The following GPM6B variants were observed in gnomAD, a reference collection of about 807,000 sequenced individuals.
GPM6B encodes the protein glycoprotein M6B.
A neutral mutation model predicts 27.2 loss-of-function variants in GPM6B; 4 were observed. That is an observed-to-expected ratio of 0.15 (90% CI 0.07 to 0.34). The LOEUF (loss-of-function observed/expected upper bound fraction) is 0.34. Among genes scored for constraint, GPM6B ranks in the 10% least tolerant of loss-of-function variants. GPM6B has a pLI of 1.00. For missense variants in GPM6B, 183 were observed against 261.9 expected (o/e 0.70, Z 2.08); for synonymous variants, 124 against 103.1 (o/e 1.20, Z -1.23).
intron 1 of GPM6B, among the ~76,000 whole-genome samples, chrX:13,876,988 A>G (rs2050040070): frequency 9.0e-6 from 1 of 111,179 alleles, no homozygotes; most frequent in Non-Finnish European, 1.9e-5. Flanking sequence ...TTTTTGGATC[A>G]CACAATTTCC....
intron 1 of GPM6B, among the ~76,000 whole-genome samples, chrX:13,927,453 T>A (rs926773125): frequency 8.9e-6 from 1 of 112,751 alleles, no homozygotes; most frequent in African/African-American, 3.2e-5. Context: ...TATTATTGTC[T>A]AAGTCCAAAC....
intron 1 of GPM6B, among the ~76,000 whole-genome samples, 177 bp from the exon 2 acceptor site, chrX:13,807,946 G>A (rs1446090581): frequency 8.9e-6 from 1 of 112,444 alleles, no homozygotes; most frequent in African/African-American, 3.2e-5. Flanking sequence ...TTTCTAAATT[G>A]AAGTTTATGT....
intron 6 of GPM6B, 37 bp downstream of exon 6, chrX:13,777,315 A>G (rs368602604): frequency 8.4e-5 from 85 of 1,008,034 alleles, no homozygotes; most frequent in Non-Finnish European, 1.2e-4. Context: ...TTCTCAGCCT[A>G]ATACTCAAGG....
chrX:13,800,496 T>C (rs1392906580), intron 2 of GPM6B, among the ~76,000 whole-genome samples: 3 of 112,772 alleles, frequency 2.7e-5, no homozygotes, highest in Admixed American at 1.9e-4. Flanking sequence ...AGCTTTACAA[T>C]CTAATGTTTT....
At chrX:13,820,246 C>A (rs1346446151), upstream of GPM6B, among the ~76,000 whole-genome samples, 1 of 111,280 alleles carries the variant, frequency 9.0e-6, no homozygotes, top group African/African-American at 3.3e-5. Flanking sequence ...TAGTGTGAAC[C>A]TGAACTATGG....
intron 3 of GPM6B, 112 bp from the exon 4 acceptor site, chrX:13,783,633 C>CACAG: frequency 1.5e-6 from 1 of 654,902 alleles, no homozygotes; most frequent in Non-Finnish European, 2.4e-6. Flanking sequence ...GTGCGTCACT[C>CACAG]GCCCCACTGA....
intron 2 of GPM6B, among the ~76,000 whole-genome samples, chrX:13,796,814 G>C: frequency 8.9e-6 from 1 of 112,495 alleles, no homozygotes; most frequent in South Asian, 3.7e-4. Flanking sequence ...AGATAAGCAA[G>C]TCAATAAAAG....
chrX:13,799,052 A>C (rs1002558828), intron 2 of GPM6B, among the ~76,000 whole-genome samples: 1 of 111,301 alleles, frequency 9.0e-6, no homozygotes, highest in Admixed American at 9.5e-5. Context: ...GTGGCTTCGG[A>C]ATTTTAAAAG....
At chrX:13,783,289 G>A in intron 4 of GPM6B, 76 bp downstream of exon 4, 1 of 913,903 alleles carries the variant, frequency 1.1e-6, no homozygotes, top group East Asian at 3.3e-5. Context: ...GGTAGCTTTT[G>A]CCAAATACAA....
chrX:13,863,830 C>A (rs766903134), intron 1 of GPM6B, among the ~76,000 whole-genome samples: 2 of 112,367 alleles, frequency 1.8e-5, no homozygotes, highest in Non-Finnish European at 3.8e-5. Flanking sequence ...GAAATAATTT[C>A]TTTTTGGTCC....
chrX:13,801,577 G>A (rs1205010847), intron 2 of GPM6B, among the ~76,000 whole-genome samples: 3 of 112,070 alleles, frequency 2.7e-5, no homozygotes, highest in Non-Finnish European at 5.6e-5. Context: ...AGTGGAGTAC[G>A]AAAGCAGCCA....
intron 1 of GPM6B, among the ~76,000 whole-genome samples, chrX:13,874,706 T>C (rs959875696): frequency 1.8e-5 from 2 of 110,247 alleles, no homozygotes; most frequent in African/African-American, 3.3e-5. Flanking sequence ...TAAGACTCCA[T>C]CTCCAAAAAC....
chrX:13,935,213 A>T (rs1569317429), intron 1 of GPM6B, among the ~76,000 whole-genome samples: 1 of 110,198 alleles, frequency 9.1e-6, no homozygotes, highest in Non-Finnish European at 1.9e-5. Context: ...AATGATAGGC[A>T]ATTGGCCACT....
intron 1 of GPM6B, among the ~76,000 whole-genome samples, chrX:13,865,559 A>AAAAAAAAAAGAAAG (rs34662549): frequency 6.6e-4 from 35 of 52,910 alleles, no homozygotes; most frequent in East Asian, 2.0e-3. Context: ...AAAAAAAAAA[A>AAAAAAAAAAGAAAG]AAAGAAAGAA....
At chrX:13,889,981 G>A (rs1049988054) in intron 1 of GPM6B, among the ~76,000 whole-genome samples, 7 of 111,410 alleles carry the variant, frequency 6.3e-5, no homozygotes, top group African/African-American at 1.3e-4. Flanking sequence ...TATTAGCTAC[G>A]TGCTATTGTC....
intron 1 of GPM6B, among the ~76,000 whole-genome samples, chrX:13,868,473 C>T (rs2049942589): frequency 1.8e-5 from 2 of 111,756 alleles, no homozygotes; most frequent in African/African-American, 3.3e-5. Flanking sequence ...CATAACTCTG[C>T]TAATAGAACA....
intron 1 of GPM6B, among the ~76,000 whole-genome samples, chrX:13,921,936 AG>A (rs1920983007): frequency 9.0e-6 from 1 of 111,618 alleles, no homozygotes; most frequent in African/African-American, 3.3e-5. Context: ...TTTCTAGGGA[AG>A]GGGTAGTACC....
intron 1 of GPM6B, among the ~76,000 whole-genome samples, chrX:13,875,059 G>A (rs944258453): frequency 1.8e-5 from 2 of 108,838 alleles, no homozygotes; most frequent in African/African-American, 3.4e-5. Flanking sequence ...TGACCTTGAT[G>A]AGCAATAAAA....
chrX:13,852,956 T>C (rs1160316614), intron 1 of GPM6B, among the ~76,000 whole-genome samples: 2 of 109,802 alleles, frequency 1.8e-5, no homozygotes, highest in Non-Finnish European at 3.8e-5. Context: ...AAAAACCTTT[T>C]ATGTGTATCA....
Sources: allele counts gnomAD v4.1 joint callset (sites outside exome capture counted in the v4.1 genomes callset), GRCh38; gene constraint gnomAD v4.1.1; transcripts MANE v1.5; gene names NCBI Gene and HGNC (gene_info 2026-07-23, HGNC 2026-07-21).